Variants in TCF7 observed in about 807,000 individuals in gnomAD.
TCF7 encodes T-cell-factor-7.
In TCF7, 19 loss-of-function variants were observed where a neutral mutation model predicts 46.8. The observed-to-expected ratio is 0.41, with a 90% CI of 0.28 to 0.60. TCF7 has a LOEUF of 0.60. Ranked by LOEUF, TCF7 falls within the 20% of genes least tolerant of loss-of-function variation. TCF7 has a pLI of 0.35. For missense variants in TCF7, 547 were observed against 504.6 expected (o/e 1.08, Z -0.81); for synonymous variants, 245 against 213.4 (o/e 1.15, Z -1.29).
In TCF7 at chr5:134,146,850, G is replaced by T. The variant is rs969833502; in HGVS notation, c.*547G>T. 1.7e-5 allele frequency: 6 copies of T among 361,860 alleles called. No homozygotes were observed. Among genetic ancestry groups the T allele is most frequent in the African/African-American group, 1.3e-4 (6 of 46,452 alleles). 22.4% of individuals were successfully genotyped at this position (361,860 alleles called of 1,614,324 possible). On this transcript the variant is annotated 3_prime_UTR_variant, in exon 10 of 10. Transcript: ENST00000342854. ...TTCTGCTATAGGTCAGAGATGGGCTGAACTGAGCCTAGCTACCTTCTCTAC... is the reference window on the plus strand; with the variant it reads ...TTCTGCTATAGGTCAGAGATGGGCTTAACTGAGCCTAGCTACCTTCTCTAC...
chr5:134,112,057 G>A (rs983801653), upstream of TCF7, among the ~76,000 whole-genome samples: 1 of 152,058 alleles, frequency 6.6e-6, no homozygotes, highest in African/African-American at 2.4e-5. Flanking sequence ...GATGGTGAAG[G>A]AATCAGTGCT....
chr5:134,146,873 T>G lies in TCF7; in HGVS notation c.*570T>G. 1 of 308,992 alleles carries G rather than the reference T, an allele frequency of 3.2e-6. No homozygotes were observed. The highest frequency in any genetic ancestry group is 6.1e-6 in the Non-Finnish European group (1 of 165,220). The allele number at this position is 308,992 out of a possible 1,614,324, so 19.1% of individuals were successfully genotyped here. A position where few individuals can be genotyped will look rare whatever the true frequency, so the allele number is the denominator to read the frequency against. ...CTGAACTGAGCCTAGCTACCTTCTC[T>G]ACCCATCTCCCCCATCCCCCACTGC... On this transcript the variant is annotated 3_prime_UTR_variant, in exon 10 of 10. Coordinates refer to ENST00000342854, the MANE Select transcript of TCF7 (RefSeq NM_003202.5).
chr5:134,140,574 G>A (rs554566330), intron 5 of TCF7: 1 of 340,822 alleles, frequency 2.9e-6, no homozygotes, highest in Admixed American at 4.1e-5. Context: ...GGCCTGCTAA[G>A]CTGGGTCCCA....
chr5:134,145,560 G>GCCT, intron 9 of TCF7: 2 of 649,962 alleles, frequency 3.1e-6, no homozygotes, highest in Non-Finnish European at 5.3e-6. Context: ...AAGATAGAGG[G>GCCT]TACTCCAGGC....
At chr5:134,125,282 A>G (rs1757190580) in intron 3 of TCF7, among the ~76,000 whole-genome samples, 1 of 152,186 alleles carries the variant, frequency 6.6e-6, no homozygotes, top group Non-Finnish European at 1.5e-5. Context: ...ATGCTTTGTA[A>G]ACTCCACATC....
At chr5:134,119,408 C>T (rs186392782) in intron 3 of TCF7, among the ~76,000 whole-genome samples, 129 of 152,282 alleles carry the variant, frequency 8.5e-4, no homozygotes, top group African/African-American at 2.8e-3. Flanking sequence ...GGAATTAGAT[C>T]GTGGTGGCAG....
chr5:134,127,117 G>A (rs760273566), intron 3 of TCF7, among the ~76,000 whole-genome samples: 2 of 152,146 alleles, frequency 1.3e-5, no homozygotes, highest in African/African-American at 2.4e-5. Context: ...TGCGGGCCAA[G>A]AAGCTGGGTG....
chr5:134,144,795 A>G (rs201733691), intron 9 of TCF7: 619 of 1,613,992 alleles, frequency 3.8e-4, no homozygotes, highest in Non-Finnish European at 5.1e-4. Context: ...GGCTGTGAGC[A>G]GACCCTGGCT....
Position 134,114,801 on chromosome 5 carries a change from A to C in TCF7, c.-106A>C. The C allele has an allele frequency of 2.1e-6, 2 of 962,830 alleles. No homozygotes were observed. Among genetic ancestry groups the C allele is most frequent in the Non-Finnish European group, 2.5e-6 (2 of 811,784 alleles). The allele number at this position is 962,830 out of a possible 1,614,324, so 59.6% of individuals were successfully genotyped here. A position where few individuals can be genotyped will look rare whatever the true frequency, so the allele number is the denominator to read the frequency against. Reference sequence around the variant, plus strand: ...GTCAGCCCGCGCTCCGCCCGCCGCGATCCGAGCTCGGAGGTTCGGACTCCG... The same window carrying C: ...GTCAGCCCGCGCTCCGCCCGCCGCGCTCCGAGCTCGGAGGTTCGGACTCCG... On this transcript the variant is annotated 5_prime_UTR_variant, in exon 1 of 10. Transcript: ENST00000342854.
chr5:134,121,923 T>G (rs1756651489), intron 3 of TCF7, among the ~76,000 whole-genome samples: 2 of 152,200 alleles, frequency 1.3e-5, no homozygotes, highest in South Asian at 4.1e-4. Context: ...GTCCCATGCT[T>G]ACAGTGGCTC....
chr5:134,128,941 GT>G (rs60003870), intron 3 of TCF7, among the ~76,000 whole-genome samples: 7,173 of 152,266 alleles, frequency 0.047, 493 homozygotes, highest in African/African-American at 0.15. Flanking sequence ...CCAGGGGGAG[GT>G]TCAGAGCCAC....
intron 3 of TCF7, among the ~76,000 whole-genome samples, chr5:134,136,806 C>G (rs761512062): frequency 2.0e-5 from 3 of 152,228 alleles, no homozygotes; most frequent in Non-Finnish European, 4.4e-5. Context: ...ATTGCACTCA[C>G]AGAGTGGGGA....
chr5:134,119,517 A>G (rs1756288176), intron 3 of TCF7, among the ~76,000 whole-genome samples: 1 of 152,262 alleles, frequency 6.6e-6, no homozygotes. Context: ...TTAAATAAAA[A>G]GGCTGAGGCC....
rs1458970791 is a variant in TCF7, at chr5:134,114,932, G to A, written c.26G>A (p.Gly9Asp). Reference protein sequence around the residue: MPQLDSGGGGAGGGDDLGA... With the variant: MPQLDSGGDGAGGGDDLGA... ...ATGCCGCAGCTGGACTCCGGCGGGG[G>A]CGGCGCGGGCGGCGGCGACGACCTC... The change falls in exon 1 of 10, where the codon GGC becomes GAC. Residue 9 changes from glycine (G) to aspartate (D), a missense_variant. By Grantham distance (94) the Gly-to-Asp change is moderately conservative (BLOSUM62 -1). Coordinates refer to ENST00000342854, the MANE Select transcript of TCF7 (RefSeq NM_003202.5). 20 of 1,084,620 alleles carry A rather than the reference G, an allele frequency of 1.8e-5. No homozygotes were observed. Among genetic ancestry groups the A allele is most frequent in the Non-Finnish European group, 1.9e-5 (17 of 884,668 alleles). 67.2% of individuals were successfully genotyped at this position (1,084,620 alleles called of 1,614,324 possible). A position where few individuals can be genotyped will look rare whatever the true frequency, so the allele number is the denominator to read the frequency against.
rs1305414345 is a variant in TCF7, at chr5:134,146,386, T to C, written c.*83T>C. On this transcript the variant is annotated 3_prime_UTR_variant, in exon 10 of 10. Transcript: ENST00000342854. ...TCCCCACAGAACTGCTTACTAGCCC[T>C]GCGGAGCCGGCACCTACATCCCCAG... 5.2e-6 allele frequency: 8 copies of C among 1,545,906 alleles called. No homozygotes were observed. Among genetic ancestry groups the C allele is most frequent in the Non-Finnish European group, 7.2e-6 (8 of 1,117,866 alleles).
chr5:134,128,090 C>T (rs1022834848), intron 3 of TCF7, among the ~76,000 whole-genome samples: 1 of 152,208 alleles, frequency 6.6e-6, no homozygotes. Flanking sequence ...TCGGCGTTCG[C>T]TGTCCCTCCC....
chr5:134,112,293 A>G (rs1434682705), upstream of TCF7, among the ~76,000 whole-genome samples: 1 of 152,212 alleles, frequency 6.6e-6, no homozygotes, highest in African/African-American at 2.4e-5. Context: ...ATCGGCTCTA[A>G]TAACTCTTCA....
intron 7 of TCF7, 46 bp from the exon 8 acceptor site, chr5:134,142,947 T>G: frequency 1.2e-6 from 2 of 1,612,430 alleles, no homozygotes; most frequent in Non-Finnish European, 1.7e-6. Flanking sequence ...TGGTGCAGCC[T>G]GCTGACTCCC....
upstream of TCF7, among the ~76,000 whole-genome samples, chr5:134,110,960 C>T (rs1300919082): frequency 1.3e-5 from 2 of 152,214 alleles, no homozygotes; most frequent in Non-Finnish European, 2.9e-5. Flanking sequence ...AGCCAATTAG[C>T]CTAACAACTT....
Sources: gnomAD v4.1 joint callset for allele counts (sites outside exome capture counted in the v4.1 genomes callset) on GRCh38, gnomAD v4.1.1 for gene constraint, MANE v1.5 for transcripts, NCBI Gene and HGNC (gene_info 2026-07-23, HGNC 2026-07-21) for gene names.